IL17F: variants seen among roughly 807,000 people sequenced by gnomAD.
The protein encoded by IL17F is interleukin 17F.
Under a neutral mutation model 8.3 loss-of-function variants are expected in IL17F, and 6 were observed. The ratio of observed to expected loss-of-function variants is 0.73; its 90% confidence interval spans 0.40 to 1.43. The LOEUF is 1.43. IL17F is among the 40% of genes most tolerant of loss of function. The pLI is 0.02. For synonymous variants in IL17F, 98 were observed against 81.6 expected (o/e 1.20, Z -1.08); for missense variants, 204 against 209.6 (o/e 0.97, Z 0.17).
chr6:52,244,538 T>C, upstream of IL17F: 1 of 1,087,032 alleles, frequency 9.2e-7, no homozygotes, highest in South Asian at 1.3e-5. Flanking sequence ...TAGCAATCAT[T>C]GCCCCTGTTT....
intron 1 of IL17F, among the ~76,000 whole-genome samples, chr6:52,242,557 A>G (rs922352913): frequency 3.9e-5 from 6 of 152,262 alleles, no homozygotes; most frequent in South Asian, 2.1e-4. Flanking sequence ...GCTACCCAAC[A>G]GAATTGCTTG....
rs368282757 is a variant in IL17F, at chr6:52,244,409, A to G, written c.21T>C (p.His7=). 6 of 1,613,964 alleles carry G rather than the reference A, an allele frequency of 3.7e-6. No individual in the cohort carries two copies. The highest frequency in any genetic ancestry group is 2.2e-5 in the East Asian group (1 of 44,904). Residue 7 remains histidine, a synonymous_variant, in exon 1 of 3, where the codon CAT becomes CAC. Transcript: ENST00000336123. The part of the protein sequence containing the change: MTVKTL[H]GPAMVKYLLL... ...TGCTGCTACTCACCATGGCTGGGCC[A>G]TGCAGGGTCTTCACTGTCATGTTGC... is the stretch of plus-strand genomic sequence containing the variant.
intron 1 of IL17F, among the ~76,000 whole-genome samples, chr6:52,244,167 T>A (rs1257062624): frequency 1.3e-5 from 2 of 152,158 alleles, no homozygotes; most frequent in Non-Finnish European, 2.9e-5. Flanking sequence ...AGTGCTGGGA[T>A]TACAGGCATG....
intron 2 of IL17F, 121 bp from the exon 3 acceptor site, chr6:52,237,289 G>T: frequency 1.4e-6 from 1 of 731,988 alleles, no homozygotes; most frequent in Non-Finnish European, 2.3e-6. Flanking sequence ...TGTGGCACAG[G>T]TTCTGGAGCC....
chr6:52,245,417 A>G (rs1178403361), upstream of IL17F, among the ~76,000 whole-genome samples: 1 of 152,220 alleles, frequency 6.6e-6, no homozygotes, highest in African/African-American at 2.4e-5. Context: ...AGGCTTGATT[A>G]ATTTGTTAGA....
intron 1 of IL17F, among the ~76,000 whole-genome samples, chr6:52,240,600 A>G (rs1448628931): frequency 6.6e-6 from 1 of 152,144 alleles, no homozygotes; most frequent in Non-Finnish European, 1.5e-5. Context: ...TAGAGACAAA[A>G]AACAATAAGA....
rs1191105839 is a variant in IL17F at position 52,236,937 on chromosome 6, C to T, written c.486G>A (p.Val162=). ...CTGAGTGGATATGCACCTCTTACTG[C>T]ACATGGTGGATGACAGGGGTGACGC... The part of the protein sequence containing the change: ...CTCVTPVIHH[V]Q The change falls in exon 3 of 3, where the codon GTG becomes GTA. Residue 162 remains valine (V), a synonymous_variant. Transcript: ENST00000336123. 3 of 1,613,254 alleles carry T rather than the reference C, an allele frequency of 1.9e-6. No individual in the cohort carries two copies. Among genetic ancestry groups the T allele is most frequent in the Middle Eastern group, 1.7e-4 (1 of 6,054 alleles).
chr6:52,243,160 C>T (rs1764101570), intron 1 of IL17F, among the ~76,000 whole-genome samples: 1 of 152,114 alleles, frequency 6.6e-6, no homozygotes, highest in Admixed American at 6.6e-5. Context: ...TAAAACATAC[C>T]ATTGCTATAT....
chr6:52,241,937 A>T lies in IL17F; in HGVS notation c.33+2460T>A, dbSNP rs769064647. ...TTAGGTAATGTGACAGCTGTACTAG[A>T]TGTGCATAAGTGTTGTAGGTCACAT... On this transcript the variant is annotated intron_variant, in intron 1 of 2. Coordinates refer to ENST00000336123, the MANE Select transcript of IL17F (RefSeq NM_052872.4). Among the ~76,000 whole-genome samples, 6 of 152,192 alleles carry T rather than the reference A, an allele frequency of 3.9e-5. 1 individual carries two copies. The highest frequency in any genetic ancestry group is 2.6e-4 in the Admixed American group (4 of 15,274).
At chr6:52,244,097 G>T (rs183432124) in intron 1 of IL17F, among the ~76,000 whole-genome samples, 13 of 152,194 alleles carry the variant, frequency 8.5e-5, no homozygotes, top group African/African-American at 2.9e-4. Context: ...GTTTCGCTAT[G>T]TTGGTCAGGC....
At chr6:52,237,745 C>T (rs1368549287) in intron 2 of IL17F, among the ~76,000 whole-genome samples, 4 of 152,062 alleles carry the variant, frequency 2.6e-5, no homozygotes, top group South Asian at 2.1e-4. Flanking sequence ...TGTGACAGGA[C>T]CCCCACCAGG....
At chr6:52,244,574 G>A (rs1582264477), upstream of IL17F, 2 of 797,462 alleles carry the variant, frequency 2.5e-6, no homozygotes, top group East Asian at 5.2e-5. Flanking sequence ...CTGTCTTTAA[G>A]TTGTGGTTGA....
At chr6:52,240,161 G>GA (rs991502828) in intron 1 of IL17F, among the ~76,000 whole-genome samples, 6 of 152,324 alleles carry the variant, frequency 3.9e-5, no homozygotes, top group Middle Eastern at 3.4e-3. Flanking sequence ...TGAAGGCCGG[G>GA]TGCAGTGGCT....
Position 52,237,042 on chromosome 6 carries a change from G to T in IL17F, c.381C>A (p.Thr127=). The change falls in exon 3 of 3, where the codon ACC becomes ACA. Residue 127 remains threonine (T), a synonymous_variant. Coordinates refer to ENST00000336123, the MANE Select transcript of IL17F (RefSeq NM_052872.4). ...CTTGGTGCTTCCTCCGGACGACCAG[G>T]GTCTCTTGCTGGATGGGAACGGAAT... ...SMNSVPIQQE[T]LVVRRKHQGC... The T allele has an allele frequency of 1.2e-6, 2 of 1,614,186 alleles. No individual in the cohort carries two copies. The highest frequency in any genetic ancestry group is 1.7e-6 in the Non-Finnish European group (2 of 1,180,016).
intron 1 of IL17F, among the ~76,000 whole-genome samples, chr6:52,243,560 C>T (rs1475479944): frequency 3.3e-5 from 5 of 152,280 alleles, no homozygotes; most frequent in African/African-American, 1.2e-4. Flanking sequence ...CCCCAGTTTC[C>T]TTGGTTAAAA....
intron 2 of IL17F, among the ~76,000 whole-genome samples, chr6:52,238,124 A>G (rs1321058580): frequency 1.3e-5 from 2 of 152,352 alleles, no homozygotes; most frequent in African/African-American, 4.8e-5. Flanking sequence ...AGGTTTTCTC[A>G]TAACACACTC....
At chr6:52,239,901 A>G (rs937575995) in intron 1 of IL17F, among the ~76,000 whole-genome samples, 2 of 152,230 alleles carry the variant, frequency 1.3e-5, no homozygotes, top group African/African-American at 4.8e-5. Flanking sequence ...CACAAGAGAG[A>G]ATATGGAAAC....
rs755125144 is a variant in IL17F at position 52,244,476 on chromosome 6, T to C, written c.-47A>G. 6.3e-7 allele frequency: 1 copy of C among 1,584,998 alleles called. No individual in the cohort carries two copies. The highest frequency in any genetic ancestry group is 8.7e-7 in the Non-Finnish European group (1 of 1,153,340). Reference sequence around the variant, plus strand: ...GTGCAGGAAGCTCTTTCTGTGAATGTATCTTCCTGTGTATGCCTGTGTTCT... The same window carrying C: ...GTGCAGGAAGCTCTTTCTGTGAATGCATCTTCCTGTGTATGCCTGTGTTCT... On this transcript the variant is annotated 5_prime_UTR_variant, in exon 1 of 3. In the 5' UTR this introduces an upstream ATG that the reference lacks. Coordinates refer to ENST00000336123, the MANE Select transcript of IL17F (RefSeq NM_052872.4).
chr6:52,242,624 T>TACTGC (rs1243227204), intron 1 of IL17F, among the ~76,000 whole-genome samples: 14 of 152,360 alleles, frequency 9.2e-5, no homozygotes, highest in Middle Eastern at 3.4e-3. Context: ...AAGCATACTG[T>TACTGC]ATGTGGAGAC....
Sources: allele counts gnomAD v4.1 joint callset (sites outside exome capture counted in the v4.1 genomes callset), GRCh38; gene constraint gnomAD v4.1.1; transcripts MANE v1.5; gene names NCBI Gene and HGNC (gene_info 2026-07-23, HGNC 2026-07-21).